The following ITGA10 variants were observed in gnomAD, a reference collection of about 807,000 sequenced individuals.
The protein encoded by ITGA10 is integrin subunit alpha 10.
In ITGA10, 105 loss-of-function variants were observed where a neutral mutation model predicts 145.2. The observed-to-expected ratio is 0.72, with a 90% confidence interval of 0.62 to 0.85. The LOEUF (loss-of-function observed/expected upper bound fraction) is 0.85, where lower values mean the gene tolerates loss of function less well. Ranked by LOEUF, ITGA10 falls within the 40% of genes least tolerant of loss-of-function variation. The pLI is 0.00. For synonymous variants in ITGA10, 506 were observed against 557.8 expected, an observed-to-expected ratio of 0.91 and a Z score of 1.31; for missense variants, 1,317 against 1,444.5, an observed-to-expected ratio of 0.91 and a Z score of 1.43.
rs1656180024 is a variant in ITGA10 at position 145,900,783 on chromosome 1, T to C, written c.1791+7A>G. ...CCGTGCCCCTGCTTTATTTGGGTAC[T>C]CCTGACCTGGGCAGGATGGGGCCTG... On this transcript the variant is annotated splice_region_variant and intron_variant, in intron 14 of 29. Transcript: ENST00000369304. The C allele has an allele frequency of 6.2e-7, 1 of 1,614,056 alleles. No homozygotes were observed. Among genetic ancestry groups the C allele is most frequent in the African/African-American group, 1.3e-5 (1 of 75,046 alleles).
At chr1:145,896,170 A>T in intron 24 of ITGA10, 74 bp from the exon 25 acceptor site, 1 of 1,487,028 alleles carries the variant, frequency 6.7e-7, no homozygotes, top group Admixed American at 1.7e-5. Flanking sequence ...TTCACCCTAG[A>T]TACCATTAAA....
rs116048301 is a variant in ITGA10, at chr1:145,909,423, A to T, written c.52+540T>A. On this transcript the variant is annotated intron_variant, in intron 1 of 29. Transcript: ENST00000369304. ...GACCCTATCTTTAAAAAATAATAAT[A>T]ATTATTATATACAATATATAACTAT... Among the ~76,000 whole-genome samples the T allele has an allele frequency of 1.4e-3, 198 of 138,920 alleles. 1 individual carries two copies. The highest frequency in any genetic ancestry group is 4.4e-3 in the African/African-American group (153 of 34,468). The allele number at this position is 138,920 out of a possible 152,430, so 91.1% of individuals were successfully genotyped here. A position where few individuals can be genotyped will look rare whatever the true frequency, so the allele number is the denominator to read the frequency against.
In ITGA10 at chr1:145,895,611, C is replaced by T. The variant is rs782346573; in HGVS notation, c.3114+20G>A. The T allele has an allele frequency of 2.5e-6, 4 of 1,611,998 alleles. No individual in the cohort carries two copies. Among genetic ancestry groups the T allele is most frequent in the Non-Finnish European group, 2.5e-6 (3 of 1,178,142 alleles). On this transcript the variant is annotated intron_variant, in intron 26 of 29. Coordinates refer to ENST00000369304, the MANE Select transcript of ITGA10 (RefSeq NM_003637.5). ...ACTCCACTTGCATTCCCACTCTGGA[C>T]ACCCCTTTGTGACTCATACCAGTCT...
chr1:145,896,621 A>G (rs1553745164), intron 23 of ITGA10, 148 bp downstream of exon 23: 4 of 728,030 alleles, frequency 5.5e-6, no homozygotes, highest in Non-Finnish European at 9.8e-6. Context: ...GGGAAGATTC[A>G]GCATGAATAG....
At position 145,902,231 on chromosome 1, in the gene ITGA10, G is replaced by A. The variant is rs782493262; in HGVS notation, c.1149+15C>T. On this transcript the variant is annotated intron_variant, in intron 10 of 29. Transcript: ENST00000369304. ...AGAGAATGGGAGAAGTAATGAAGGG[G>A]TCAATCTGTCCAACCTTTAGCCGAT... is the stretch of plus-strand genomic sequence containing the variant. 6.2e-7 allele frequency: 1 copy of A among 1,612,778 alleles called. No individual in the cohort carries two copies. Among genetic ancestry groups the A allele is most frequent in the African/African-American group, 1.3e-5 (1 of 74,992 alleles).
rs782001490 is a variant in ITGA10 at position 145,895,992 on chromosome 1, G to A, written c.3024C>T (p.Ile1008=). Residue 1008 remains isoleucine, a synonymous_variant, in exon 25 of 30, where the codon ATC becomes ATT. Coordinates refer to ENST00000369304, the MANE Select transcript of ITGA10 (RefSeq NM_003637.5). ...GNYFLSLSQV[I]TNNASCIVQN... is the part of the protein sequence containing the mutation. The stretch of plus-strand genomic sequence containing the variant: ...CCTAGACCAGACTCACATTGTTAGT[G>A]ATGACTTGAGACAGTGATAGGAAGT... 9 of 1,612,024 alleles carry A rather than the reference G, an allele frequency of 5.6e-6. No individual in the cohort carries two copies. Among genetic ancestry groups the A allele is most frequent in the Non-Finnish European group, 6.8e-6 (8 of 1,178,238 alleles).
intron 18 of ITGA10, 21 bp downstream of exon 18, chr1:145,898,089 G>A (rs1559195854): frequency 1.9e-6 from 3 of 1,543,680 alleles, no homozygotes; most frequent in Non-Finnish European, 2.7e-6. Flanking sequence ...GGAGCAAGGG[G>A]CAGGGCATGG....
intron 7 of ITGA10, among the ~76,000 whole-genome samples, chr1:145,903,656 T>C (rs1656696932): frequency 6.6e-6 from 1 of 151,952 alleles, no homozygotes; most frequent in Non-Finnish European, 1.5e-5. Flanking sequence ...TTCTTCTTTT[T>C]TTTTTTTTAA....
In ITGA10 at chr1:145,900,116, CA is replaced by C; in HGVS notation, c.1862del (p.Leu621ArgfsTer28). 6.2e-7 allele frequency: 1 copy of C among 1,614,128 alleles called. No homozygotes were observed. The highest frequency in any genetic ancestry group is 1.6e-4 in the Middle Eastern group (1 of 6,062). The stretch of plus-strand genomic sequence containing the variant: ...CCACATCGACCAGATCATCTCCATC[CA>C]GATCTAGCCGACCATCCACACTTCG... ...FGRSVDGRLD[L>X]DGDDLVDVAV... On this transcript the variant is annotated frameshift_variant, in exon 15 of 30. Transcript: ENST00000369304. LOFTEE classifies it high-confidence loss of function.
chr1:145,902,537 T>C lies in ITGA10; in HGVS notation c.992A>G (p.Glu331Gly). Residue 331 changes from glutamate to glycine, a missense_variant, in exon 9 of 30, where the codon GAG becomes GGG. Physicochemically the swap from Glu to Gly is moderately conservative, Grantham distance 98. Coordinates refer to ENST00000369304, the MANE Select transcript of ITGA10 (RefSeq NM_003637.5). ...EIRTIASDPD[E>G]RFFFNVTDEA... ...ATCTGTGACATTGAAGAAGAATCGC[T>C]CATCTGGATCACTGGCAATAGTTCT... 1 of 1,613,906 alleles carries C rather than the reference T, an allele frequency of 6.2e-7. No individual in the cohort carries two copies. The highest frequency in any genetic ancestry group is 8.5e-7 in the Non-Finnish European group (1 of 1,179,942).
chr1:145,893,479 G>C (rs1654968974), intron 28 of ITGA10, 61 bp downstream of exon 28: 1 of 1,342,348 alleles, frequency 7.4e-7, no homozygotes, highest in Non-Finnish European at 1.0e-6. Flanking sequence ...CCCACGGGTG[G>C]CCCTACCACA....
At chr1:145,904,641 G>C (rs369952467) in intron 6 of ITGA10, 43 bp downstream of exon 6, 1 of 1,608,318 alleles carries the variant, frequency 6.2e-7, no homozygotes, top group Non-Finnish European at 8.5e-7. Context: ...TCTTAAGTAG[G>C]TGCCACAAGC....
chr1:145,898,614 TGCCTC>T (rs1370834607), intron 17 of ITGA10, among the ~76,000 whole-genome samples: 1 of 152,128 alleles, frequency 6.6e-6, no homozygotes, highest in Non-Finnish European at 1.5e-5. Context: ...GTGATCCACC[TGCCTC>T]GGCCTCCCAA....
intron 1 of ITGA10, among the ~76,000 whole-genome samples, chr1:145,909,467 A>G (rs1337389271): frequency 2.2e-5 from 3 of 135,362 alleles, no homozygotes; most frequent in East Asian, 4.0e-4. Flanking sequence ...TAATTATGTT[A>G]TATATTATAT....
intron 17 of ITGA10, 119 bp from the exon 18 acceptor site, chr1:145,898,342 AAATTT>A (rs1433200646): frequency 2.2e-6 from 1 of 458,586 alleles, no homozygotes; most frequent in Non-Finnish European, 3.9e-6. Context: ...CTGTATTACT[AAATTT>A]AATTAATTAG....
At chr1:145,895,787 T>C (rs1655306564) in intron 25 of ITGA10, 76 bp from the exon 26 acceptor site, 1 of 1,311,672 alleles carries the variant, frequency 7.6e-7, no homozygotes, top group African/African-American at 1.5e-5. Flanking sequence ...GGAACATACC[T>C]ACACCCTTGT....
At chr1:145,904,379 T>C (rs1220766683) in intron 6 of ITGA10, among the ~76,000 whole-genome samples, 179 bp from the exon 7 acceptor site, 1 of 152,050 alleles carries the variant, frequency 6.6e-6, no homozygotes, top group Non-Finnish European at 1.5e-5. Flanking sequence ...CCTTTCTCTC[T>C]CTCTCTAAGA....
intron 6 of ITGA10, 106 bp from the exon 7 acceptor site, chr1:145,904,306 A>T: frequency 9.5e-7 from 1 of 1,050,090 alleles, no homozygotes; most frequent in Non-Finnish European, 1.5e-6. Context: ...GATACTACTG[A>T]AGACAACACC....
At chr1:145,909,841 T>C (rs1657658576) in intron 1 of ITGA10, 122 bp downstream of exon 1, 1 of 805,886 alleles carries the variant, frequency 1.2e-6, no homozygotes, top group Admixed American at 1.9e-5. Flanking sequence ...ATACAAGAAA[T>C]GTACAACCAG....
Sources: allele counts gnomAD v4.1 joint callset (sites outside exome capture counted in the v4.1 genomes callset), GRCh38; gene constraint gnomAD v4.1.1; transcripts MANE v1.5; gene names NCBI Gene and HGNC (gene_info 2026-07-23, HGNC 2026-07-21).